The following BRIP1 variants were observed in gnomAD, a reference collection of about 807,000 sequenced individuals.
BRIP1 encodes Fanconi anemia group J protein.
In BRIP1, 88 loss-of-function variants were observed where a neutral mutation model predicts 119.7. That is an observed-to-expected ratio of 0.74 (90% CI 0.62 to 0.88). The LOEUF is 0.88. Among genes scored for constraint, BRIP1 ranks in the 40% least tolerant of loss-of-function variants. The pLI is 0.00. For missense variants in BRIP1, 1,259 were observed against 1,455.4 expected, an observed-to-expected ratio of 0.87 and a Z score of 2.20; for synonymous variants, 443 against 496.5, an observed-to-expected ratio of 0.89 and a Z score of 1.43.
At position 61,861,430 on chromosome 17, in the gene BRIP1, T is replaced by G. The variant is rs778826728; in HGVS notation, c.93+17A>C. On this transcript the variant is annotated intron_variant, in intron 2 of 19. Transcript: ENST00000259008. This position sits in a 1 kb window ranked among gnomAD's most constrained non-coding sequence, Gnocchi z 4.5. ...ATCTATATCTTAATAAAAACTTAAC[T>G]GCTGAAAAATACTTACAGAATTCAT... 1 of 1,558,500 alleles carries G rather than the reference T, an allele frequency of 6.4e-7. No individual in the cohort carries two copies. The highest frequency in any genetic ancestry group is 8.9e-7 in the Non-Finnish European group (1 of 1,129,828).
Position 61,793,790 on chromosome 17 carries a change from G to A in BRIP1, c.1341-61C>T, listed in dbSNP as rs2077858729. ...CATCCTTACACACACTATTTCAGCAGAACAAGAGAATCATCATTATTGTCA... is the reference window on the plus strand; with the variant it reads ...CATCCTTACACACACTATTTCAGCAAAACAAGAGAATCATCATTATTGTCA... On this transcript the variant is annotated intron_variant, in intron 9 of 19. Coordinates refer to ENST00000259008, the MANE Select transcript of BRIP1 (RefSeq NM_032043.3). The surrounding 1 kb of genome is among the most constrained non-coding windows in gnomAD (Gnocchi z 5.2). The A allele has an allele frequency of 6.6e-7, 1 of 1,519,508 alleles. No homozygotes were observed. The highest frequency in any genetic ancestry group is 9.0e-7 in the Non-Finnish European group (1 of 1,116,454). 94.1% of individuals were successfully genotyped at this position (1,519,508 alleles called of 1,614,324 possible). A position where few individuals can be genotyped will look rare whatever the true frequency, so the allele number is the denominator to read the frequency against.
Position 61,683,712 on chromosome 17 carries a change from C to A in BRIP1, c.3334G>T (p.Asp1112Tyr), listed in dbSNP as rs968860042. 8 of 1,613,878 alleles carry A rather than the reference C, an allele frequency of 5.0e-6. No homozygotes were observed. In the African/African-American group the frequency reaches 1.1e-4, roughly 22 times the overall value. The change falls in exon 20 of 20, where the codon GAT (aspartate) becomes TAT (tyrosine). Residue 1112 changes from aspartate to tyrosine, a missense_variant. Transcript: ENST00000259008. The surrounding 1 kb of genome is among the most constrained non-coding windows in gnomAD (Gnocchi z 4.7). The part of the protein sequence containing the change: ...DIELSLVSEE[D>Y]KQSTSNRDFE... ...TCTCTATTTGAAGTGGACTGTTTAT[C>A]TTCTTCACTTACTAGAGACAATTCA...
rs970427454 is a variant in BRIP1, at chr17:61,816,619, G to C, written c.628-7862C>G. Among the ~76,000 whole-genome samples the C allele has an allele frequency of 6.6e-6, 1 of 152,092 alleles. No individual in the cohort carries two copies. The highest frequency in any genetic ancestry group is 6.6e-5 in the Admixed American group (1 of 15,260). ...GAACAAGCATATCATAAAGATGACT[G>C]ACCTGCTATAAAGCAAAAATTATCC... On this transcript the variant is annotated intron_variant, in intron 6 of 19. Coordinates refer to ENST00000259008, the MANE Select transcript of BRIP1 (RefSeq NM_032043.3). The surrounding 1 kb of genome is among the most constrained non-coding windows in gnomAD (Gnocchi z 5.0).
At chr17:61,797,138 T>A (rs2077912241) in intron 9 of BRIP1, among the ~76,000 whole-genome samples, 1 of 151,854 alleles carries the variant, frequency 6.6e-6, no homozygotes, top group East Asian at 1.9e-4. Context: ...GCTAGAGACA[T>A]AGGTTCAGGC....
At position 61,780,827 on chromosome 17, in the gene BRIP1, A is replaced by G; in HGVS notation, c.1794+13T>C. 3 of 1,613,334 alleles carry G rather than the reference A, an allele frequency of 1.9e-6. No homozygotes were observed. Among genetic ancestry groups the G allele is most frequent in the African/African-American group, 1.3e-5 (1 of 75,042 alleles). On this transcript the variant is annotated intron_variant, in intron 12 of 19. Transcript: ENST00000259008. This position sits in a 1 kb window ranked among gnomAD's most constrained non-coding sequence, Gnocchi z 5.4. ...GCAAGAAGACAAAATTTCCATTTAC[A>G]TGATGAGCTTACCACAGCTGGATTT...
At position 61,709,185 on chromosome 17, in the gene BRIP1, A is replaced by G. The variant is rs2144323817; in HGVS notation, c.2492+6766T>C. 1.3e-5 allele frequency among the ~76,000 whole-genome samples: 2 copies of G among 152,310 alleles called. No homozygotes were observed. The highest frequency in any genetic ancestry group is 6.8e-3 in the Middle Eastern group (2 of 294). On this transcript the variant is annotated intron_variant, in intron 17 of 19. Transcript: ENST00000259008. This position sits in a 1 kb window ranked among gnomAD's most constrained non-coding sequence, Gnocchi z 5.0. ...ATAAATCTGAAAGTGCTTGTTGACT[A>G]TCATCAATGTAGATTTAAATTTCAG...
rs989945839 is a variant in BRIP1, at chr17:61,743,532, T to A, written c.2258-398A>T. Among the ~76,000 whole-genome samples, 2 of 152,090 alleles carry A rather than the reference T, an allele frequency of 1.3e-5. No individual in the cohort carries two copies. The highest frequency in any genetic ancestry group is 6.6e-5 in the Admixed American group (1 of 15,258). On this transcript the variant is annotated intron_variant, in intron 15 of 19. Coordinates refer to ENST00000259008, the MANE Select transcript of BRIP1 (RefSeq NM_032043.3). This position sits in a 1 kb window ranked among gnomAD's most constrained non-coding sequence, Gnocchi z 4.3. ...AAATAATTGTAATTGATAATACATA[T>A]CATATGGAATCAATATATTTAAAAG...
rs2076968151 is a variant in BRIP1, at chr17:61,740,156, C to T, written c.2379+2857G>A. Reference sequence around the variant, plus strand: ...ACAGAGCATTAAAGTACAAGCAGAGCGCAGTGGTCCTGTTGAGCTGAGGTG... The same window carrying T: ...ACAGAGCATTAAAGTACAAGCAGAGTGCAGTGGTCCTGTTGAGCTGAGGTG... On this transcript the variant is annotated intron_variant, in intron 16 of 19. Transcript: ENST00000259008. This position sits in a 1 kb window ranked among gnomAD's most constrained non-coding sequence, Gnocchi z 5.4. Among the ~76,000 whole-genome samples the T allele has an allele frequency of 1.3e-5, 2 of 152,000 alleles. No homozygotes were observed. Among genetic ancestry groups the T allele is most frequent in the Admixed American group, 6.6e-5 (1 of 15,244 alleles).
intron 17 of BRIP1, among the ~76,000 whole-genome samples, chr17:61,712,056 C>T (rs1016650518): frequency 1.3e-5 from 2 of 151,830 alleles, no homozygotes; most frequent in Admixed American, 1.3e-4. Flanking sequence ...CAAATCTGAA[C>T]CCACATGCCA....
In BRIP1 at chr17:61,687,550, T is replaced by TA. The variant is rs570267708; in HGVS notation, c.2576-1386dup. Among the ~76,000 whole-genome samples, 81 of 152,256 alleles carry TA rather than the reference T, an allele frequency of 5.3e-4. No individual in the cohort carries two copies. The South Asian group carries it at 0.017, about 32-fold the overall frequency. On this transcript the variant is annotated intron_variant, in intron 18 of 19. Coordinates refer to ENST00000259008, the MANE Select transcript of BRIP1 (RefSeq NM_032043.3). This position sits in a 1 kb window ranked among gnomAD's most constrained non-coding sequence, Gnocchi z 5.1. ...TCATTAAGCTCTGAAATTGAAAAGG[T>TA]AGAGTCTACACCCACACATGGCTAA...
chr17:61,776,547 T>C lies in BRIP1; in HGVS notation c.1951A>G (p.Ile651Val), dbSNP rs778867622. ...IKNSQVWVGTIGSGPKGRNLC... is the reference protein window; with the variant it reads ...IKNSQVWVGTVGSGPKGRNLC... ...TTCCGACCCTTGGGGCCTGACCCAA[T>C]GGTACCAACCCAAACCTAGAATATG... Residue 651 changes from isoleucine (I) to valine (V), a missense_variant, in exon 14 of 20, where the codon ATT becomes GTT. Ile to Val is a conservative substitution (Grantham distance 29). This residue lies in a region of BRIP1 where 753 missense variants were observed against 891.8 expected (regional missense o/e 0.84). Coordinates refer to ENST00000259008, the MANE Select transcript of BRIP1 (RefSeq NM_032043.3). This position sits in a 1 kb window ranked among gnomAD's most constrained non-coding sequence, Gnocchi z 5.0. 1 of 1,614,066 alleles carries C rather than the reference T, an allele frequency of 6.2e-7. No individual in the cohort carries two copies. Among genetic ancestry groups the C allele is most frequent in the Non-Finnish European group, 8.5e-7 (1 of 1,179,942 alleles).
At chr17:61,766,433 T>C (rs2077374720) in intron 14 of BRIP1, among the ~76,000 whole-genome samples, 1 of 152,066 alleles carries the variant, frequency 6.6e-6, no homozygotes. Flanking sequence ...TAGAAAAAAA[T>C]ATTTCTTCAA....
rs1203904470 is a variant in BRIP1, at chr17:61,823,212, G to C, written c.628-14455C>G. 6.6e-6 allele frequency among the ~76,000 whole-genome samples: 1 copy of C among 152,154 alleles called. No individual in the cohort carries two copies. On this transcript the variant is annotated intron_variant, in intron 6 of 19. Transcript: ENST00000259008. The surrounding 1 kb of genome is among the most constrained non-coding windows in gnomAD (Gnocchi z 4.8). ...TAGAACAATGCATATATTTGTTTAA[G>C]TTTTCCAAAAGGCCAACATTTAAAG...
At chr17:61,688,811 C>G (rs1450429000) in intron 18 of BRIP1, among the ~76,000 whole-genome samples, 27 of 144,124 alleles carry the variant, frequency 1.9e-4, no homozygotes, top group Admixed American at 1.9e-3. Context: ...TAACTGTCAA[C>G]ATGATGCTCA....
At position 61,703,256 on chromosome 17, in the gene BRIP1, G is replaced by A. The variant is rs576679763; in HGVS notation, c.2493-9744C>T. Among the ~76,000 whole-genome samples, 3 of 152,122 alleles carry A rather than the reference G, an allele frequency of 2.0e-5. No individual in the cohort carries two copies. Among genetic ancestry groups the A allele is most frequent in the Non-Finnish European group, 2.9e-5 (2 of 68,030 alleles). ...TTTTTGTATTTTTAGTAGAGATGGG[G>A]TTTTGCCATGTTGGGCAGAGTGGTC... On this transcript the variant is annotated intron_variant, in intron 17 of 19. Coordinates refer to ENST00000259008, the MANE Select transcript of BRIP1 (RefSeq NM_032043.3). This position sits in a 1 kb window ranked among gnomAD's most constrained non-coding sequence, Gnocchi z 5.0.
In BRIP1 at chr17:61,681,576, A is replaced by G; in HGVS notation, c.*1720T>C. 1 of 203,472 alleles carries G rather than the reference A, an allele frequency of 4.9e-6. No homozygotes were observed. Among genetic ancestry groups the G allele is most frequent in the East Asian group, 7.6e-5 (1 of 13,140 alleles). The allele number at this position is 203,472 out of a possible 1,614,324, so 12.6% of individuals were successfully genotyped here. On this transcript the variant is annotated 3_prime_UTR_variant, in exon 20 of 20. Transcript: ENST00000259008. This position sits in a 1 kb window ranked among gnomAD's most constrained non-coding sequence, Gnocchi z 5.1. The stretch of plus-strand genomic sequence containing the variant: ...CTATCTGTGGTTTAAGAATAATACC[A>G]GAGGAGATAAATTGTTTCACCCTTT...
At position 61,743,088 on chromosome 17, in the gene BRIP1, A is replaced by G. The variant is rs1603303843; in HGVS notation, c.2304T>C (p.Gly768=). ...GGGCATTGTCATCTGAGAAATCCAG[A>G]CCCTCACTCACTTTACCACGACAAA... ...VAVCRGKVSE[G]LDFSDDNARA... The change falls in exon 16 of 20, where the codon GGT becomes GGC. Residue 768 remains glycine (G), a synonymous_variant. Transcript: ENST00000259008. This position sits in a 1 kb window ranked among gnomAD's most constrained non-coding sequence, Gnocchi z 4.3. 2 of 1,613,806 alleles carry G rather than the reference A, an allele frequency of 1.2e-6. No individual in the cohort carries two copies. The highest frequency in any genetic ancestry group is 1.7e-5 in the Admixed American group (1 of 59,990).
At chr17:61,747,053 A>G (rs1374002454) in intron 14 of BRIP1, among the ~76,000 whole-genome samples, 1 of 152,194 alleles carries the variant, frequency 6.6e-6, no homozygotes, top group East Asian at 1.9e-4. Context: ...TTACAAAAAT[A>G]TGAAAATTAA....
In BRIP1 at chr17:61,757,760, G is replaced by C. The variant is rs2077219443; in HGVS notation, c.2098-13169C>G. Among the ~76,000 whole-genome samples, 1 of 152,062 alleles carries C rather than the reference G, an allele frequency of 6.6e-6. No homozygotes were observed. Among genetic ancestry groups the C allele is most frequent in the African/African-American group, 2.4e-5 (1 of 41,410 alleles). On this transcript the variant is annotated intron_variant, in intron 14 of 19. Coordinates refer to ENST00000259008, the MANE Select transcript of BRIP1 (RefSeq NM_032043.3). The surrounding 1 kb of genome is among the most constrained non-coding windows in gnomAD (Gnocchi z 4.3). ...CACACCTGTAATCCCAGCACTTTGGGAGGCCAAGGCAGACAGATCTCTTGA... is the reference window on the plus strand; with the variant it reads ...CACACCTGTAATCCCAGCACTTTGGCAGGCCAAGGCAGACAGATCTCTTGA...
Sources: allele counts gnomAD v4.1 joint callset (sites outside exome capture counted in the v4.1 genomes callset), GRCh38; gene constraint gnomAD v4.1.1; regional missense constraint gnomAD v4.1.1; non-coding constraint Gnocchi (gnomAD v3.1); transcripts MANE v1.5; gene names NCBI Gene and HGNC (gene_info 2026-07-23, HGNC 2026-07-21).